The following OCA2 variants were observed in gnomAD, a reference collection of about 807,000 sequenced individuals.
OCA2 encodes P protein.
A neutral mutation model predicts 100.2 loss-of-function variants in OCA2; 77 were observed. That is an observed-to-expected ratio of 0.77 (90% CI 0.64 to 0.93). The LOEUF (loss-of-function observed/expected upper bound fraction) is 0.93, where lower values mean the gene tolerates loss of function less well. OCA2 is among the 40% of genes least tolerant of loss of function. OCA2 has a pLI of 0.00. For synonymous variants in OCA2, 432 were observed against 439.2 expected (o/e 0.98, Z 0.21); for missense variants, 1,062 against 1,089.1 (o/e 0.98, Z 0.35).
chr15:27,854,044 A>T (rs1402620851), intron 21 of OCA2, among the ~76,000 whole-genome samples: 3 of 152,158 alleles, frequency 2.0e-5, no homozygotes, highest in Non-Finnish European at 4.4e-5. Flanking sequence ...CTGCAGCAGG[A>T]TTTCGTGTGT....
At chr15:27,952,837 C>T (rs2040081610) in intron 17 of OCA2, among the ~76,000 whole-genome samples, 1 of 152,102 alleles carries the variant, frequency 6.6e-6, no homozygotes. Context: ...TGTGCACCAC[C>T]ATGCCCAGCT....
intron 18 of OCA2, among the ~76,000 whole-genome samples, chr15:27,946,332 T>C (rs1595696821): frequency 6.6e-6 from 1 of 152,192 alleles, no homozygotes; most frequent in Non-Finnish European, 1.5e-5. Flanking sequence ...CCTAGCTTAA[T>C]AGTCAGACAA....
the OCA2 span, among the ~76,000 whole-genome samples, chr15:27,722,765 C>G: frequency 5.1e-4 from 65 of 128,294 alleles, no homozygotes; most frequent in African/African-American, 2.0e-3. Flanking sequence ...TCCTTCCTTT[C>G]TTTCTTTTCT....
chr15:27,938,714 C>G (rs1335440619), intron 18 of OCA2, among the ~76,000 whole-genome samples: 1 of 152,130 alleles, frequency 6.6e-6, no homozygotes, highest in Non-Finnish European at 1.5e-5. Context: ...CCAGGCTGTC[C>G]CCTGAATGCC....
intron 23 of OCA2, among the ~76,000 whole-genome samples, chr15:27,775,092 G>GTGTGTC (rs1454029466): frequency 6.6e-6 from 1 of 151,884 alleles, no homozygotes; most frequent in Non-Finnish European, 1.5e-5. Flanking sequence ...GTGTGTGTGT[G>GTGTGTC]TGTGTGTGTG....
At position 27,951,819 on chromosome 15, in the gene OCA2, A is replaced by C. The variant is rs960692654; in HGVS notation, c.1916T>G (p.Leu639Arg). 6.2e-7 allele frequency: 1 copy of C among 1,613,856 alleles called. No homozygotes were observed. Among genetic ancestry groups the C allele is most frequent in the Non-Finnish European group, 8.5e-7 (1 of 1,179,728 alleles). Reference sequence around the variant, plus strand: ...ATGAATGCCAGGGACAAACGAATTGAGGAAAAACATGAAGATAACAAATCC... The same window carrying C: ...ATGAATGCCAGGGACAAACGAATTGCGGAAAAACATGAAGATAACAAATCC... ...VLGFVIFMFF[L>R]NSFVPGIHLD... The change falls in exon 18 of 24, where the codon CTC becomes CGC. Residue 639 changes from leucine to arginine, a missense_variant. Physicochemically the swap from Leu to Arg is moderately radical, Grantham distance 102. Transcript: ENST00000354638.
chr15:28,012,281 G>T (rs1311362196), intron 9 of OCA2, among the ~76,000 whole-genome samples: 1 of 152,184 alleles, frequency 6.6e-6, no homozygotes, highest in Admixed American at 6.5e-5. Flanking sequence ...TCATAGGCAG[G>T]GGCACATGGA....
At chr15:27,914,158 C>T (rs1225967831) in intron 19 of OCA2, among the ~76,000 whole-genome samples, 3 of 152,034 alleles carry the variant, frequency 2.0e-5, no homozygotes, top group Non-Finnish European at 4.4e-5. Context: ...GCCATAGATG[C>T]AGAACAGGCT....
rs141611162 is a variant in OCA2, at chr15:27,957,709, G to C, written c.1663C>G (p.Arg555Gly). The C allele has an allele frequency of 1.9e-6, 3 of 1,613,114 alleles. No individual in the cohort carries two copies. Among genetic ancestry groups the C allele is most frequent in the South Asian group, 2.2e-5 (2 of 91,092 alleles). ...VELKHEIHVWRLTAQRISPAS... is the reference protein window; with the variant it reads ...VELKHEIHVWGLTAQRISPAS... The stretch of plus-strand genomic sequence containing the variant: ...GGGCTGATGCGCTGAGCAGTCAGGC[G>C]CCAGACGTGAATCTCGTGCTTCAGT... The change falls in exon 16 of 24, where the codon CGC becomes GGC. Residue 555 changes from arginine to glycine, a missense_variant. Physicochemically the swap from Arg to Gly is moderately radical, Grantham distance 125. Coordinates refer to ENST00000354638, the MANE Select transcript of OCA2 (RefSeq NM_000275.3). This position sits in a 1 kb window ranked among gnomAD's most constrained non-coding sequence, Gnocchi z 4.3.
intron 23 of OCA2, among the ~76,000 whole-genome samples, chr15:27,830,796 C>T (rs77321901): frequency 0.023 from 3,570 of 152,104 alleles, 47 homozygotes; most frequent in Non-Finnish European, 0.029. Flanking sequence ...AATTCAATAG[C>T]CAGTGAGGAG....
At chr15:28,039,737 T>C (rs1181151974) in intron 2 of OCA2, among the ~76,000 whole-genome samples, 3 of 152,246 alleles carry the variant, frequency 2.0e-5, no homozygotes, top group Non-Finnish European at 4.4e-5. Flanking sequence ...GGTGTCCTTA[T>C]AAGAAGAGGA....
At chr15:27,966,206 T>A (rs2040561690) in intron 15 of OCA2, among the ~76,000 whole-genome samples, 1 of 152,160 alleles carries the variant, frequency 6.6e-6, no homozygotes, top group Non-Finnish European at 1.5e-5. Flanking sequence ...CCTGACCTGA[T>A]TCAGGTGATC....
intron 23 of OCA2, among the ~76,000 whole-genome samples, chr15:27,824,602 C>CTCTCTCTATATATATATATA: frequency 2.5e-4 from 12 of 47,598 alleles, no homozygotes; most frequent in East Asian, 0.037. Context: ...CTCTCTCTCT[C>CTCTCTCTATATATATATATA]TATATATATA....
chr15:27,956,678 C>T (rs2040233312), intron 16 of OCA2, among the ~76,000 whole-genome samples: 1 of 152,228 alleles, frequency 6.6e-6, no homozygotes, highest in African/African-American at 2.4e-5. Context: ...TCAGGGCCTC[C>T]CTGTGGCCTG....
intron 1 of OCA2, among the ~76,000 whole-genome samples, chr15:28,090,580 C>A (rs2044853957): frequency 6.6e-6 from 1 of 152,188 alleles, no homozygotes; most frequent in South Asian, 2.1e-4. Context: ...ATTAAACATA[C>A]TTCCAAATAA....
At chr15:27,811,190 T>TAA (rs34031304) in intron 23 of OCA2, among the ~76,000 whole-genome samples, 5,850 of 150,638 alleles carry the variant, frequency 0.039, 150 homozygotes, top group Middle Eastern at 0.079. Context: ...TACTTAGCCG[T>TAA]AAAAAAAAAA....
intron 9 of OCA2, among the ~76,000 whole-genome samples, chr15:28,003,254 T>G (rs2141128964): frequency 6.6e-6 from 1 of 152,378 alleles, no homozygotes; most frequent in East Asian, 1.9e-4. Flanking sequence ...GCCTGTGAGC[T>G]GCCAACTCCG....
chr15:27,971,324 T>TC, intron 14 of OCA2, among the ~76,000 whole-genome samples: 1 of 152,302 alleles, frequency 6.6e-6, no homozygotes. Flanking sequence ...GGGGCACGCT[T>TC]CCCTCAAGAG....
At chr15:28,022,794 T>G (rs2042635084) in intron 5 of OCA2, among the ~76,000 whole-genome samples, 1 of 152,198 alleles carries the variant, frequency 6.6e-6, no homozygotes, top group African/African-American at 2.4e-5. Flanking sequence ...CTGCCAAATT[T>G]AAGGATTAAA....
Sources: gnomAD v4.1 joint callset for allele counts (sites outside exome capture counted in the v4.1 genomes callset) on GRCh38, gnomAD v4.1.1 for gene constraint, Gnocchi (gnomAD v3.1) non-coding constraint, MANE v1.5 for transcripts, NCBI Gene and HGNC (gene_info 2026-07-23, HGNC 2026-07-21) for gene names.